The following JHY variants were observed in gnomAD, a reference collection of about 807,000 sequenced individuals.
JHY encodes jhy protein homolog.
A neutral mutation model predicts 78.0 loss-of-function variants in JHY; 69 were observed. The ratio of observed to expected loss-of-function variants is 0.88; its 90% confidence interval spans 0.73 to 1.08. The LOEUF is 1.08. Ranked by LOEUF, JHY falls within the 50% of genes least tolerant of loss-of-function variation. The probability of loss-of-function intolerance (pLI) is 0.00; values close to 1 mark genes in which losing one functional copy is unlikely to be tolerated. For missense variants in JHY, 944 were observed against 927.8 expected (o/e 1.02, Z -0.23); for synonymous variants, 368 against 342.6 (o/e 1.07, Z -0.82).
At chr11:122,918,454 G>A (rs992578348) in intron 3 of JHY, among the ~76,000 whole-genome samples, 1 of 151,464 alleles carries the variant, frequency 6.6e-6, no homozygotes, top group Non-Finnish European at 1.5e-5. Context: ...AATGGGCCAT[G>A]AGGCAGAGTC....
In JHY at chr11:122,904,544, A is replaced by T; in HGVS notation, c.864+100A>T. On this transcript the variant is annotated intron_variant, in intron 3 of 8. Transcript: ENST00000227349. ...TCGCTTCCTTTAAGATGACGATGTC[A>T]TAGCAGCCACCTAGCTGGGTAAAAC... The T allele has an allele frequency of 3.7e-6, 5 of 1,339,808 alleles. No individual in the cohort carries two copies. In the South Asian group the frequency reaches 7.2e-5, roughly 19 times the overall value. The allele number at this position is 1,339,808 out of a possible 1,614,324, so 83.0% of individuals were successfully genotyped here. A position where few individuals can be genotyped will look rare whatever the true frequency, so the allele number is the denominator to read the frequency against.
intron 4 of JHY, among the ~76,000 whole-genome samples, chr11:122,928,838 C>T (rs1406290361): frequency 3.3e-5 from 5 of 151,914 alleles, no homozygotes; most frequent in East Asian, 3.9e-4. Context: ...TTAGTAGAGA[C>T]GGGGTTTCAC....
At chr11:122,958,607 CA>C in intron 8 of JHY, 1 of 455,054 alleles carries the variant, frequency 2.2e-6, no homozygotes, top group Non-Finnish European at 2.9e-6. Context: ...CAGCTATCAA[CA>C]ACATCTTACT....
At position 122,885,921 on chromosome 11, in the gene JHY, GT is replaced by G; in HGVS notation, c.73del (p.Ser25ProfsTer6). On this transcript the variant is annotated frameshift_variant, in exon 2 of 9. Coordinates refer to ENST00000227349, the MANE Select transcript of JHY (RefSeq NM_024806.4). LOFTEE classifies it high-confidence loss of function. Reference protein sequence around the residue: ...PVLHTNLNVQSTHPPLKKEDL... With the variant: ...PVLHTNLNVQXTHPPLKKEDL... ...TCCTTCATACCAACTTAAATGTCCAGTCCACACACCCACCTTTGAAGAAAGA... is the reference window on the plus strand; with the variant it reads ...TCCTTCATACCAACTTAAATGTCCAGCCACACACCCACCTTTGAAGAAAGA... 1 of 1,614,038 alleles carries G rather than the reference GT, an allele frequency of 6.2e-7. No individual in the cohort carries two copies. Among genetic ancestry groups the G allele is most frequent in the Non-Finnish European group, 8.5e-7 (1 of 1,180,000 alleles).
intron 4 of JHY, among the ~76,000 whole-genome samples, chr11:122,930,358 G>C (rs1211475389): frequency 6.6e-6 from 1 of 152,184 alleles, no homozygotes; most frequent in Non-Finnish European, 1.5e-5. Flanking sequence ...GGGATTACAG[G>C]CATGAGCCAC....
intron 5 of JHY, among the ~76,000 whole-genome samples, chr11:122,944,943 C>T (rs927200316): frequency 7.9e-5 from 12 of 151,948 alleles, no homozygotes; most frequent in African/African-American, 2.4e-4. Context: ...TCTGAAGTTT[C>T]GTTGTGATAT....
In JHY at chr11:122,905,412, A is replaced by T; in HGVS notation, c.864+968A>T. 3.5e-6 allele frequency: 5 copies of T among 1,432,984 alleles called. No individual in the cohort carries two copies. In the South Asian group the frequency reaches 4.9e-5, roughly 14 times the overall value. 88.8% of individuals were successfully genotyped at this position (1,432,984 alleles called of 1,614,324 possible). A position where few individuals can be genotyped will look rare whatever the true frequency, so the allele number is the denominator to read the frequency against. ...TTTCAAATACAAAGGAGAGGTTATT[A>T]TGTTAAATGTGGTTGCCCTTAGACC... On this transcript the variant is annotated intron_variant, in intron 3 of 8. Coordinates refer to ENST00000227349, the MANE Select transcript of JHY (RefSeq NM_024806.4).
chr11:122,948,812 G>A (rs185420162), intron 6 of JHY, among the ~76,000 whole-genome samples: 156 of 152,186 alleles, frequency 1.0e-3, no homozygotes, highest in Non-Finnish European at 1.7e-3. Context: ...CAGGCTGGGC[G>A]CGGTGGCTTA....
intron 2 of JHY, among the ~76,000 whole-genome samples, chr11:122,888,618 T>C (rs1862546696): frequency 6.6e-6 from 1 of 152,164 alleles, no homozygotes; most frequent in Non-Finnish European, 1.5e-5. Context: ...ACTGCCATAT[T>C]TGTTTCAGAC....
Position 122,904,446 on chromosome 11 carries a change from T to TCTGATGAA in JHY, c.864+2_864+3insCTGATGAA. 6.2e-7 allele frequency: 1 copy of TCTGATGAA among 1,603,870 alleles called. No individual in the cohort carries two copies. The highest frequency in any genetic ancestry group is 1.1e-5 in the South Asian group (1 of 90,348). ...AGAGGGGAATCTCATCCAGAACAGG[T>TCTGATGAA]ACGTAGTGGCTACTTTAAAATGTCT... On this transcript the variant is annotated splice_region_variant and intron_variant, in intron 3 of 8. Transcript: ENST00000227349.
intron 6 of JHY, among the ~76,000 whole-genome samples, chr11:122,954,362 T>A (rs913210175): frequency 2.2e-4 from 34 of 152,336 alleles, no homozygotes; most frequent in African/African-American, 8.2e-4. Context: ...AATGTTTGTC[T>A]TTTGAACATC....
chr11:122,911,192 A>G (rs534827670), intron 3 of JHY, among the ~76,000 whole-genome samples: 1 of 152,310 alleles, frequency 6.6e-6, no homozygotes, highest in African/African-American at 2.4e-5. Context: ...TGAAGGTGAA[A>G]TTTAGTATGG....
At chr11:122,954,371 T>A (rs2135381616) in intron 6 of JHY, among the ~76,000 whole-genome samples, 1 of 152,310 alleles carries the variant, frequency 6.6e-6, no homozygotes, top group South Asian at 2.1e-4. Context: ...CTTTTGAACA[T>A]CTACAGTGGG....
At chr11:122,922,924 A>G (rs371519267) in intron 3 of JHY, among the ~76,000 whole-genome samples, 5 of 152,088 alleles carry the variant, frequency 3.3e-5, no homozygotes, top group South Asian at 4.1e-4. Context: ...TCTCCACTAC[A>G]CAGCCCACCA....
At position 122,937,574 on chromosome 11, in the gene JHY, A is replaced by T. The variant is rs1863784982; in HGVS notation, c.1634+2499A>T. Among the ~76,000 whole-genome samples the T allele has an allele frequency of 2.0e-5, 3 of 152,130 alleles. No homozygotes were observed. In the South Asian group the frequency reaches 6.2e-4, roughly 32 times the overall value. On this transcript the variant is annotated intron_variant, in intron 5 of 8. Transcript: ENST00000227349. ...GAGCACCCCTTCCGGCATTTCTTTC[A>T]GATTGAAAATGTGGTACAAGGACAG... is the stretch of plus-strand genomic sequence containing the variant.
At chr11:122,937,285 G>A (rs1863777164) in intron 5 of JHY, among the ~76,000 whole-genome samples, 1 of 147,164 alleles carries the variant, frequency 6.8e-6, no homozygotes, top group South Asian at 2.1e-4. Flanking sequence ...CAACCTCCTG[G>A]GCTTCTTTTG....
chr11:122,931,220 A>C (rs1863628804), intron 4 of JHY, among the ~76,000 whole-genome samples: 1 of 152,236 alleles, frequency 6.6e-6, no homozygotes, highest in Admixed American at 6.5e-5. Flanking sequence ...CAGTAGAAAA[A>C]AATTAAAAGT....
At chr11:122,928,967 T>G (rs4936763) in intron 4 of JHY, among the ~76,000 whole-genome samples, 74,323 of 150,208 alleles carry the variant, frequency 0.49, 19,483 homozygotes, top group African/African-American at 0.7. Context: ...TTTTTAAGGC[T>G]GAGTTTCACT....
chr11:122,920,112 A>T (rs971413110), intron 3 of JHY, among the ~76,000 whole-genome samples: 19 of 152,226 alleles, frequency 1.2e-4, no homozygotes, highest in Admixed American at 9.8e-4. Context: ...AGGCAGCAGC[A>T]GTGCTGGCGT....
Sources: gnomAD v4.1 joint callset for allele counts (sites outside exome capture counted in the v4.1 genomes callset) on GRCh38, gnomAD v4.1.1 for gene constraint, MANE v1.5 for transcripts, NCBI Gene and HGNC (gene_info 2026-07-23, HGNC 2026-07-21) for gene names.